FERMT3: variants seen among roughly 807,000 people sequenced by gnomAD.
FERMT3 encodes the protein fermitin family homolog 3.
FERMT3 carries 33 observed loss-of-function variants against 80.8 expected under a neutral mutation model. The observed-to-expected ratio is 0.41, with a 90% confidence interval of 0.31 to 0.55. The LOEUF (loss-of-function observed/expected upper bound fraction) is 0.55. Among genes scored for constraint, FERMT3 ranks in the 20% least tolerant of loss-of-function variants. FERMT3 has a pLI of 0.31. For missense variants in FERMT3, 754 were observed against 908.7 expected (o/e 0.83, Z 2.19); for synonymous variants, 375 against 372.2 (o/e 1.01, Z -0.09).
chr11:64,220,860 A>T (rs939393592), intron 12 of FERMT3, 156 bp from the exon 13 acceptor site: 1 of 1,438,128 alleles, frequency 7.0e-7, no homozygotes, highest in Non-Finnish European at 9.5e-7. Context: ...TCCACCTTGC[A>T]GCCTGGCGCA....
intron 6 of FERMT3, among the ~76,000 whole-genome samples, chr11:64,218,090 G>A (rs560017367): frequency 5.2e-5 from 7 of 133,830 alleles, no homozygotes; most frequent in Non-Finnish European, 1.1e-4. Context: ...TGCAAGCTCC[G>A]CCTCCCGGGT....
intron 6 of FERMT3, among the ~76,000 whole-genome samples, chr11:64,214,168 CT>C (rs60329788): frequency 7.7e-4 from 87 of 113,432 alleles, no homozygotes; most frequent in Middle Eastern, 5.3e-3. Flanking sequence ...TCATAATTGC[CT>C]TTTTTTTTTT....
chr11:64,222,280 T>A (rs1019691330), intron 13 of FERMT3, among the ~76,000 whole-genome samples: 1 of 109,622 alleles, frequency 9.1e-6, no homozygotes, highest in Non-Finnish European at 1.8e-5. Flanking sequence ...AATAAATAAA[T>A]AAAAGAGCCT....
chr11:64,221,177 C>G, intron 13 of FERMT3, 37 bp downstream of exon 13: 1 of 1,594,808 alleles, frequency 6.3e-7, no homozygotes, highest in South Asian at 1.1e-5. Flanking sequence ...CCAGCACCGT[C>G]TCTGCCCTCA....
At chr11:64,208,917 G>C (rs1946376699) in intron 2 of FERMT3, among the ~76,000 whole-genome samples, 1 of 152,184 alleles carries the variant, frequency 6.6e-6, no homozygotes, top group Non-Finnish European at 1.5e-5. Context: ...GCAGGAGGCT[G>C]TCCTGCTAAG....
Position 64,210,928 on chromosome 11 carries a change from C to T in FERMT3, c.394+84C>T, listed in dbSNP as rs1946421494. 101 of 1,607,720 alleles carry T rather than the reference C, an allele frequency of 6.3e-5. No individual in the cohort carries two copies. Among genetic ancestry groups the T allele is most frequent in the Non-Finnish European group, 8.5e-5 (100 of 1,177,354 alleles). On this transcript the variant is annotated intron_variant, in intron 3 of 14. Coordinates refer to ENST00000345728, the MANE Select transcript of FERMT3 (RefSeq NM_031471.6). This position sits in a 1 kb window ranked among gnomAD's most constrained non-coding sequence, Gnocchi z 4.3. ...CCGTTTCCAGGCCCAGCTCTGTTGACGCTGTCCTTGCTGTCTGGGTTGCCA... is the reference window on the plus strand; with the variant it reads ...CCGTTTCCAGGCCCAGCTCTGTTGATGCTGTCCTTGCTGTCTGGGTTGCCA...
At position 64,223,295 on chromosome 11, in the gene FERMT3, CCT is replaced by C. The variant is rs528684268; in HGVS notation, c.1813-15_1813-14del. On this transcript the variant is annotated splice_polypyrimidine_tract_variant and intron_variant, in intron 14 of 14. Transcript: ENST00000345728. ...TCCCTTATCCCACCCACCATTTGCC[CCT>C]CTGTCTGCCCTTCAGGTGGCCATCG... 558 of 1,613,752 alleles carry C rather than the reference CCT, an allele frequency of 3.5e-4. 3 individuals carry two copies. In the African/African-American group the frequency reaches 6.6e-3, roughly 19 times the overall value.
Position 64,220,535 on chromosome 11 carries a change from G to A in FERMT3, c.1411G>A (p.Ala471Thr), listed in dbSNP as rs1290751173. The change falls in exon 12 of 15, where the codon GCC (alanine) becomes ACC (threonine). Residue 471 changes from alanine (A) to threonine (T), a missense_variant. Physicochemically the swap from Ala to Thr is moderately conservative, Grantham distance 58. Coordinates refer to ENST00000345728, the MANE Select transcript of FERMT3 (RefSeq NM_031471.6). ...CACCAGCGAGGTGCAGGCCATCCTGGCCTTCCTCAGCCTGCAGCGCACGGG... is the reference window on the plus strand; with the variant it reads ...CACCAGCGAGGTGCAGGCCATCCTGACCTTCCTCAGCCTGCAGCGCACGGG... ...SYTSEVQAIL[A>T]FLSLQRTGSG... The A allele has an allele frequency of 6.2e-7, 1 of 1,607,016 alleles. No individual in the cohort carries two copies. The highest frequency in any genetic ancestry group is 2.2e-5 in the East Asian group (1 of 44,500).
intron 6 of FERMT3, among the ~76,000 whole-genome samples, chr11:64,213,051 T>C (rs1946476653): frequency 6.6e-6 from 1 of 151,214 alleles, no homozygotes; most frequent in Non-Finnish European, 1.5e-5. Context: ...GTACTATACC[T>C]GGCTAATTTT....
In FERMT3 at chr11:64,219,594, A is replaced by G; in HGVS notation, c.965A>G (p.Asp322Gly). The G allele has an allele frequency of 6.2e-7, 1 of 1,612,732 alleles. No individual in the cohort carries two copies. The highest frequency in any genetic ancestry group is 8.5e-7 in the Non-Finnish European group (1 of 1,179,932). The change falls in exon 8 of 15, where the codon GAC becomes GGC. Residue 322 changes from aspartate (D) to glycine (G), a missense_variant. Asp to Gly is a moderately conservative substitution (Grantham distance 94, BLOSUM62 -1). Transcript: ENST00000345728. The surrounding 1 kb of genome is among the most constrained non-coding windows in gnomAD (Gnocchi z 4.0). ...GCTGGCACAGACCCAGGGCTGGACG[A>G]CCTGGATGTGGCCCTGAGCAACCTG... ...EPAGTDPGLDDLDVALSNLEV... is the reference protein window; with the variant it reads ...EPAGTDPGLDGLDVALSNLEV...
chr11:64,220,845 CCAT>C, intron 12 of FERMT3, 168 bp from the exon 13 acceptor site: 3 of 1,355,790 alleles, frequency 2.2e-6, no homozygotes, highest in Admixed American at 1.8e-5. Context: ...GTCCAGGTGC[CCAT>C]GTCCACCTTG....
At chr11:64,222,365 G>C (rs992572187) in intron 13 of FERMT3, among the ~76,000 whole-genome samples, 6 of 151,732 alleles carry the variant, frequency 4.0e-5, no homozygotes, top group Admixed American at 2.6e-4. Context: ...AGGAGTTCGA[G>C]ACCAGCCTGA....
chr11:64,220,651 A>C lies in FERMT3; in HGVS notation c.1527A>C (p.Arg509=), dbSNP rs755898664. 10 of 1,611,318 alleles carry C rather than the reference A, an allele frequency of 6.2e-6. No individual in the cohort carries two copies. Among genetic ancestry groups the C allele is most frequent in the Non-Finnish European group, 6.8e-6 (8 of 1,179,314 alleles). The change falls in exon 12 of 15, where the codon CGA becomes CGC. Residue 509 remains arginine (R), a synonymous_variant. Transcript: ENST00000345728. ...GCCTCGTTGCCCCCCGTTTCCAGCGAAAGTTCAAGGCCAAGCAGGTACCAG... is the reference window on the plus strand; with the variant it reads ...GCCTCGTTGCCCCCCGTTTCCAGCGCAAGTTCAAGGCCAAGCAGGTACCAG... ...PYGLVAPRFQ[R]KFKAKQLTPR...
rs1337172384 is a variant in FERMT3 at position 64,220,420 on chromosome 11, C to G, written c.1312-16C>G. 1 of 1,610,308 alleles carries G rather than the reference C, an allele frequency of 6.2e-7. No homozygotes were observed. Among genetic ancestry groups the G allele is most frequent in the African/African-American group, 1.3e-5 (1 of 74,904 alleles). ...CAAGCTTGGTTAGCACTGTCCCCCTCACCCCTCTCGCCCAGGAGCAGCAGT... is the reference window on the plus strand; with the variant it reads ...CAAGCTTGGTTAGCACTGTCCCCCTGACCCCTCTCGCCCAGGAGCAGCAGT... On this transcript the variant is annotated splice_polypyrimidine_tract_variant and intron_variant, in intron 11 of 14. Transcript: ENST00000345728.
chr11:64,214,562 G>T (rs943531104), intron 6 of FERMT3, among the ~76,000 whole-genome samples: 3 of 151,754 alleles, frequency 2.0e-5, no homozygotes, highest in African/African-American at 7.3e-5. Context: ...GGTCAGGCTG[G>T]TCTCAAACTC....
Position 64,223,644 on chromosome 11 carries a change from C to T in FERMT3, c.*152C>T. 1.0e-6 allele frequency: 1 copy of T among 995,712 alleles called. No individual in the cohort carries two copies. The highest frequency in any genetic ancestry group is 2.6e-5 in the East Asian group (1 of 38,298). 61.7% of individuals were successfully genotyped at this position (995,712 alleles called of 1,614,324 possible). A position where few individuals can be genotyped will look rare whatever the true frequency, so the allele number is the denominator to read the frequency against. On this transcript the variant is annotated 3_prime_UTR_variant, in exon 15 of 15. Coordinates refer to ENST00000345728, the MANE Select transcript of FERMT3 (RefSeq NM_031471.6). ...CACTGACTTTGTGCAGGCCAAGGAC[C>T]TGGCAGGGCCAGACGCTGTACCATC... is the stretch of plus-strand genomic sequence containing the variant.
Position 64,211,733 on chromosome 11 carries a change from G to A in FERMT3, c.772G>A (p.Asp258Asn), listed in dbSNP as rs139416960. 26 of 1,614,032 alleles carry A rather than the reference G, an allele frequency of 1.6e-5. No individual in the cohort carries two copies. The highest frequency in any genetic ancestry group is 5.3e-5 in the African/African-American group (4 of 74,916). ...GCGCTTCAAGTACTACAGCTTCTTC[G>A]ATTTGGATCCCAAGGTGGGTCGGGG... Reference protein sequence around the residue: ...WLRFKYYSFFDLDPKTDPVRL... With the variant: ...WLRFKYYSFFNLDPKTDPVRL... The change falls in exon 6 of 15, where the codon GAT becomes AAT. Residue 258 changes from aspartate (D) to asparagine (N), a missense_variant. Asp to Asn is a conservative substitution (Grantham distance 23, BLOSUM62 1). Transcript: ENST00000345728. This position sits in a 1 kb window ranked among gnomAD's most constrained non-coding sequence, Gnocchi z 4.7.
chr11:64,222,952 G>C, intron 13 of FERMT3, 96 bp from the exon 14 acceptor site: 2 of 1,549,194 alleles, frequency 1.3e-6, no homozygotes, highest in Non-Finnish European at 1.8e-6. Flanking sequence ...GCTGCAGTCG[G>C]GAAGGGCTGG....
In FERMT3 at chr11:64,220,211, T is replaced by G. The variant is rs1565296142; in HGVS notation, c.1205-9T>G. 1.2e-6 allele frequency: 2 copies of G among 1,613,148 alleles called. No homozygotes were observed. Among genetic ancestry groups the G allele is most frequent in the Non-Finnish European group, 1.7e-6 (2 of 1,179,374 alleles). ...CCGACCTCCTAGACCACCCCTTCTCTCCCTCCAGGCTGTGAGGTGGTTCCC... is the reference window on the plus strand; with the variant it reads ...CCGACCTCCTAGACCACCCCTTCTCGCCCTCCAGGCTGTGAGGTGGTTCCC... On this transcript the variant is annotated splice_polypyrimidine_tract_variant and intron_variant, in intron 10 of 14. Transcript: ENST00000345728.
Sources: allele counts gnomAD v4.1 joint callset (sites outside exome capture counted in the v4.1 genomes callset), GRCh38; gene constraint gnomAD v4.1.1; non-coding constraint Gnocchi (gnomAD v3.1); transcripts MANE v1.5; gene names NCBI Gene and HGNC (gene_info 2026-07-23, HGNC 2026-07-21).